The following PDE4D variants were observed in gnomAD, a reference collection of about 807,000 sequenced individuals.
PDE4D encodes 3',5'-cyclic-AMP phosphodiesterase 4D.
PDE4D carries 24 observed loss-of-function variants against 87.4 expected under a neutral mutation model. The ratio of observed to expected loss-of-function variants is 0.27; its 90% confidence interval spans 0.20 to 0.39. The LOEUF is 0.39. PDE4D is among the 10% of genes least tolerant of loss of function. The probability of loss-of-function intolerance (pLI) is 1.00; values close to 1 mark genes in which losing one functional copy is unlikely to be tolerated. For missense variants in PDE4D, 714 were observed against 1,041.0 expected, an observed-to-expected ratio of 0.69 and a Z score of 4.32; for synonymous variants, 384 against 383.2, an observed-to-expected ratio of 1.00 and a Z score of -0.02.
intron 1 of PDE4D, among the ~76,000 whole-genome samples, chr5:59,572,247 G>A (rs1325337726): frequency 1.3e-5 from 2 of 152,176 alleles, no homozygotes; most frequent in East Asian, 1.9e-4. Flanking sequence ...TAGGACTCAG[G>A]ATTCTAAAAT....
At chr5:60,156,976 T>C (rs2149452988) in intron 2 of PDE4D, among the ~76,000 whole-genome samples, 1 of 152,284 alleles carries the variant, frequency 6.6e-6, no homozygotes, top group South Asian at 2.1e-4. Context: ...CAAAGACTTT[T>C]GTGCAGCAAA....
intron 1 of PDE4D, among the ~76,000 whole-genome samples, chr5:60,316,967 G>A (rs1755671109): frequency 6.6e-6 from 1 of 152,088 alleles, no homozygotes; most frequent in Non-Finnish European, 1.5e-5. Context: ...TTGTGTCTCT[G>A]CCAGGCTTTG....
At chr5:59,375,809 T>C (rs1784621173) in intron 1 of PDE4D, among the ~76,000 whole-genome samples, 1 of 152,072 alleles carries the variant, frequency 6.6e-6, no homozygotes, top group South Asian at 2.1e-4. Flanking sequence ...GCAAACCAAA[T>C]CCAGTATCAC....
intron 2 of PDE4D, among the ~76,000 whole-genome samples, chr5:60,003,604 A>G (rs2457140): frequency 0.99 from 150,552 of 151,670 alleles, 74,731 homozygotes; most frequent in East Asian, 1. Context: ...CAGCTACTAG[A>G]GAGGCTGAGG....
chr5:59,001,956 G>A (rs1230955565), intron 6 of PDE4D: 2 of 438,804 alleles, frequency 4.6e-6, no homozygotes, highest in Non-Finnish European at 9.0e-6. Flanking sequence ...GAATCCTTGA[G>A]TAACCCGGCA....
At chr5:59,035,000 C>T (rs145749873) in intron 6 of PDE4D, among the ~76,000 whole-genome samples, 1 of 152,330 alleles carries the variant, frequency 6.6e-6, no homozygotes, top group Non-Finnish European at 1.5e-5. Context: ...TATTAGGTCA[C>T]AAGAGGATAA....
At chr5:60,290,114 C>A (rs1472283043) in intron 1 of PDE4D, among the ~76,000 whole-genome samples, 1 of 152,178 alleles carries the variant, frequency 6.6e-6, no homozygotes, top group Non-Finnish European at 1.5e-5. Context: ...TGAGTAAAAT[C>A]TATACATGCA....
At chr5:59,182,673 A>G (rs1387531875) in intron 4 of PDE4D, among the ~76,000 whole-genome samples, 3 of 152,108 alleles carry the variant, frequency 2.0e-5, no homozygotes, top group Non-Finnish European at 4.4e-5. Context: ...TCCTTTTACT[A>G]TCAATCCTAC....
chr5:59,581,591 A>T (rs779017636), intron 1 of PDE4D, among the ~76,000 whole-genome samples: 2 of 152,214 alleles, frequency 1.3e-5, no homozygotes, highest in Non-Finnish European at 2.9e-5. Flanking sequence ...TAAAGTGCAC[A>T]AACTATTTTA....
At chr5:59,824,408 G>A (rs1770074837) in intron 1 of PDE4D, among the ~76,000 whole-genome samples, 1 of 152,138 alleles carries the variant, frequency 6.6e-6, no homozygotes, top group Non-Finnish European at 1.5e-5. Flanking sequence ...TAACCCTTCT[G>A]TGAGCAGGGA....
At chr5:60,428,626 G>A (rs1743923980) in intron 1 of PDE4D, among the ~76,000 whole-genome samples, 1 of 152,134 alleles carries the variant, frequency 6.6e-6, no homozygotes, top group South Asian at 2.1e-4. Context: ...CCTATATACT[G>A]AAAATCCTAC....
intron 2 of PDE4D, among the ~76,000 whole-genome samples, chr5:60,036,351 C>T (rs369101470): frequency 3.1e-4 from 47 of 152,262 alleles, no homozygotes; most frequent in Middle Eastern, 3.4e-3. Flanking sequence ...CTAAGGAATA[C>T]GTTTTGTTTA....
At chr5:59,224,309 C>G (rs1253803468) in intron 1 of PDE4D, among the ~76,000 whole-genome samples, 4 of 151,054 alleles carry the variant, frequency 2.6e-5, no homozygotes, top group African/African-American at 4.9e-5. Flanking sequence ...CACACACACA[C>G]ACACACACAC....
intron 1 of PDE4D, among the ~76,000 whole-genome samples, chr5:59,867,729 T>C (rs1747249803): frequency 6.6e-6 from 1 of 152,172 alleles, no homozygotes; most frequent in Non-Finnish European, 1.5e-5. Flanking sequence ...ATCCAGATCA[T>C]GGACGATACT....
intron 1 of PDE4D, among the ~76,000 whole-genome samples, chr5:59,250,401 G>A (rs1425286799): frequency 1.3e-5 from 2 of 151,094 alleles, no homozygotes; most frequent in African/African-American, 4.9e-5. Flanking sequence ...GTTGAGGTGG[G>A]AGTATCGCTT....
At chr5:59,180,739 A>G in intron 4 of PDE4D, 95 bp from the exon 5 acceptor site, 1 of 1,200,934 alleles carries the variant, frequency 8.3e-7, no homozygotes, top group Non-Finnish European at 1.2e-6. Context: ...TTTACTTTAA[A>G]GAATTATTTT....
In PDE4D at chr5:59,382,127, A is replaced by C. The variant is rs114742591; in HGVS notation, c.456-166159T>G. Among the ~76,000 whole-genome samples, 514 of 152,150 alleles carry C rather than the reference A, an allele frequency of 3.4e-3. 1 individual carries two copies. Among genetic ancestry groups the C allele is most frequent in the Non-Finnish European group, 5.6e-3 (382 of 68,004 alleles). On this transcript the variant is annotated intron_variant, in intron 1 of 14. Transcript: ENST00000340635. ...CCCATTTCCCTGACACAGACCCCGCACTACAATCCTCTTCCTTATACTTGA... is the reference window on the plus strand; with the variant it reads ...CCCATTTCCCTGACACAGACCCCGCCCTACAATCCTCTTCCTTATACTTGA...
At chr5:59,779,107 A>AGGTTGCAGTGG (rs1301909366) in intron 1 of PDE4D, among the ~76,000 whole-genome samples, 8 of 152,142 alleles carry the variant, frequency 5.3e-5, no homozygotes, top group African/African-American at 1.9e-4. Context: ...GGTTGCAGTG[A>AGGTTGCAGTGG]GCCGAGATTG....
At chr5:59,134,220 A>C (rs1445810932) in intron 5 of PDE4D, among the ~76,000 whole-genome samples, 1 of 148,234 alleles carries the variant, frequency 6.7e-6, no homozygotes, top group East Asian at 2.0e-4. Flanking sequence ...AACTAGATAC[A>C]GTACAAGAAT....
Sources: allele counts gnomAD v4.1 joint callset (sites outside exome capture counted in the v4.1 genomes callset), GRCh38; gene constraint gnomAD v4.1.1; transcripts MANE v1.5; gene names NCBI Gene and HGNC (gene_info 2026-07-23, HGNC 2026-07-21).